NUP62CL: variants seen among roughly 807,000 people sequenced by gnomAD.
NUP62CL encodes nucleoporin 62 C-terminal like, also known as nucleoporin-62 C-terminal-like protein.
In NUP62CL, 13 loss-of-function variants were observed where a neutral mutation model predicts 15.3. The observed-to-expected ratio is 0.85, with a 90% CI of 0.55 to 1.35. The LOEUF (loss-of-function observed/expected upper bound fraction) is 1.35. Ranked by LOEUF, NUP62CL falls within the 40% of genes most tolerant of loss-of-function variation. The pLI is 0.00. For synonymous variants in NUP62CL, 54 were observed against 49.2 expected (o/e 1.10, Z -0.41); for missense variants, 123 against 130.6 (o/e 0.94, Z 0.28).
At chrX:107,166,443 C>G (rs1926518192) in intron 4 of NUP62CL, among the ~76,000 whole-genome samples, 1 of 112,030 alleles carries the variant, frequency 8.9e-6, no homozygotes, top group Non-Finnish European at 1.9e-5. Context: ...CAATCTGGAT[C>G]ACCCATACAT....
chrX:107,179,486 C>T (rs781320310), intron 2 of NUP62CL, among the ~76,000 whole-genome samples: 2 of 111,421 alleles, frequency 1.8e-5, no homozygotes, highest in Non-Finnish European at 3.8e-5. Flanking sequence ...TACCGTTTAG[C>T]TCCCACTTAT....
chrX:107,164,890 G>A (rs1926474355), intron 4 of NUP62CL, among the ~76,000 whole-genome samples: 1 of 112,685 alleles, frequency 8.9e-6, no homozygotes, highest in Non-Finnish European at 1.9e-5. Context: ...CACGAAGTCA[G>A]GAGTTCGAGA....
intron 8 of NUP62CL, among the ~76,000 whole-genome samples, chrX:107,124,932 T>C (rs755414676): frequency 6.2e-5 from 7 of 112,029 alleles, no homozygotes; most frequent in African/African-American, 9.7e-5. Flanking sequence ...TGTTCATTAA[T>C]GGTTACTCAT....
chrX:107,199,903 G>A (rs931202787), intron 1 of NUP62CL, among the ~76,000 whole-genome samples: 3 of 111,844 alleles, frequency 2.7e-5, no homozygotes, highest in African/African-American at 9.7e-5. Flanking sequence ...AAGCCTCAAA[G>A]CACAGTAATG....
intron 4 of NUP62CL, among the ~76,000 whole-genome samples, chrX:107,159,886 T>A (rs1335900844): frequency 9.7e-6 from 1 of 103,488 alleles, no homozygotes; most frequent in Non-Finnish European, 2.0e-5. Flanking sequence ...AAAACCCCAT[T>A]GTCTCAGCCC....
intron 2 of NUP62CL, among the ~76,000 whole-genome samples, chrX:107,188,852 T>TA (rs1166332057): frequency 3.6e-5 from 4 of 111,164 alleles, no homozygotes; most frequent in Admixed American, 1.9e-4. Flanking sequence ...GTACAATCTC[T>TA]AAAAAAAAGA....
chrX:107,131,708 G>T (rs917849259), intron 8 of NUP62CL: 1 of 742,382 alleles, frequency 1.3e-6, no homozygotes, highest in African/African-American at 2.1e-5. Context: ...GGTTCTAGTG[G>T]AATTATCAGG....
rs556679528 is a variant in NUP62CL, at chrX:107,171,802, G to T, written c.58+3287C>A. Among the ~76,000 whole-genome samples the T allele has an allele frequency of 1.6e-4, 18 of 110,709 alleles. No homozygotes were observed. The South Asian group carries it at 2.7e-3, about 17-fold the overall frequency. On this transcript the variant is annotated intron_variant, in intron 3 of 8. Transcript: ENST00000372466. Reference sequence around the variant, plus strand: ...TTGAGACTTATATAGATAAGGGCTGGGTATGACAGCATCATCAAAGAGGCT... The same window carrying T: ...TTGAGACTTATATAGATAAGGGCTGTGTATGACAGCATCATCAAAGAGGCT...
chrX:107,175,239 T>C (rs961717985), intron 2 of NUP62CL, 46 bp from the exon 3 acceptor site: 2 of 617,941 alleles, frequency 3.2e-6, no homozygotes, highest in Non-Finnish European at 5.2e-6. Context: ...CTAAAAATAA[T>C]TTTTAAAAGT....
In NUP62CL at chrX:107,137,349, T is replaced by C. The variant is rs1925664889; in HGVS notation, c.*42+10394A>G. On this transcript the variant is annotated intron_variant, in intron 8 of 8. Coordinates refer to ENST00000372466, the MANE Select transcript of NUP62CL (RefSeq NM_017681.3). ...AGGAACAAGGCAAGGATGTCTGCTC[T>C]TATCACTACTACTCAACATAGTATA... 1.8e-5 allele frequency among the ~76,000 whole-genome samples: 2 copies of C among 111,923 alleles called. 1 individual carries two copies. The highest frequency in any genetic ancestry group is 1.9e-4 in the Admixed American group (2 of 10,549).
chrX:107,131,655 G>A, intron 8 of NUP62CL: 1 of 595,119 alleles, frequency 1.7e-6, no homozygotes, highest in South Asian at 2.3e-5. Context: ...GCCGACTAGC[G>A]GGATCTGGAG....
At chrX:107,167,397 T>C (rs779421157) in intron 4 of NUP62CL, among the ~76,000 whole-genome samples, 154 of 112,103 alleles carry the variant, frequency 1.4e-3, no homozygotes, top group African/African-American at 4.7e-3. Flanking sequence ...ACAGATTACA[T>C]ACACAGTAAT....
At chrX:107,174,940 TAAGC>T (rs1926749297) in intron 3 of NUP62CL, 145 bp downstream of exon 3, 2 of 499,500 alleles carry the variant, frequency 4.0e-6, no homozygotes, top group Non-Finnish European at 7.0e-6. Flanking sequence ...ATTAGGTTCT[TAAGC>T]AAAGCTACTA....
intron 4 of NUP62CL, 80 bp from the exon 5 acceptor site, chrX:107,154,326 G>A: frequency 1.3e-6 from 1 of 799,923 alleles, no homozygotes; most frequent in Non-Finnish European, 1.7e-6. Flanking sequence ...GAACACAGGA[G>A]GACTCTGAGA....
intron 2 of NUP62CL, among the ~76,000 whole-genome samples, chrX:107,181,801 C>T (rs1327452276): frequency 8.9e-6 from 1 of 112,142 alleles, no homozygotes; most frequent in Non-Finnish European, 1.9e-5. Context: ...TTGTGGTTTG[C>T]TTCATCTAAG....
At chrX:107,162,218 A>G (rs1270696442) in intron 4 of NUP62CL, among the ~76,000 whole-genome samples, 1 of 110,978 alleles carries the variant, frequency 9.0e-6, no homozygotes, top group African/African-American at 3.3e-5. Flanking sequence ...CAAATGAAAA[A>G]TGTCTCAAGG....
At chrX:107,163,305 T>C (rs1011991717) in intron 4 of NUP62CL, among the ~76,000 whole-genome samples, 1 of 111,422 alleles carries the variant, frequency 9.0e-6, no homozygotes, top group African/African-American at 3.3e-5. Flanking sequence ...TACACTGTTG[T>C]AAGTAATGCA....
intron 4 of NUP62CL, among the ~76,000 whole-genome samples, chrX:107,166,004 G>T (rs1405629418): frequency 9.0e-6 from 1 of 111,364 alleles, no homozygotes; most frequent in Non-Finnish European, 1.9e-5. Flanking sequence ...GCTAAGAAAA[G>T]ATTTCTTATA....
At chrX:107,184,619 G>T (rs1353130536) in intron 2 of NUP62CL, among the ~76,000 whole-genome samples, 1 of 111,449 alleles carries the variant, frequency 9.0e-6, no homozygotes, top group Non-Finnish European at 1.9e-5. Context: ...CTTAACTTTC[G>T]TGTCATCAGA....
Sources: allele counts gnomAD v4.1 joint callset (sites outside exome capture counted in the v4.1 genomes callset), GRCh38; gene constraint gnomAD v4.1.1; transcripts MANE v1.5; gene names NCBI Gene and HGNC (gene_info 2026-07-23, HGNC 2026-07-21).